Variants in LHFPL3 observed in about 807,000 individuals in gnomAD.
The protein encoded by LHFPL3 is LHFPL tetraspan subfamily member 3, also known as LHFPL tetraspan subfamily member 3 protein.
LHFPL3 carries 5 observed loss-of-function variants against 19.3 expected under a neutral mutation model. The ratio of observed to expected loss-of-function variants is 0.26; its 90% CI spans 0.14 to 0.54. The LOEUF (loss-of-function observed/expected upper bound fraction) is 0.54. LHFPL3 is among the 20% of genes least tolerant of loss of function. The pLI, the probability that LHFPL3 is intolerant of heterozygous loss-of-function variation, is 0.94. For synonymous variants in LHFPL3, 133 were observed against 126.2 expected, an observed-to-expected ratio of 1.05 and a Z score of -0.36; for missense variants, 249 against 307.4, an observed-to-expected ratio of 0.81 and a Z score of 1.42.
chr7:104,901,373 T>C (rs192400879), intron 2 of LHFPL3, among the ~76,000 whole-genome samples: 1 of 152,364 alleles, frequency 6.6e-6, no homozygotes, highest in African/African-American at 2.4e-5. Flanking sequence ...AACTTCTGCA[T>C]GCCCTGGGGT....
At chr7:104,489,284 G>A (rs1793295312) in intron 1 of LHFPL3, among the ~76,000 whole-genome samples, 1 of 129,624 alleles carries the variant, frequency 7.7e-6, no homozygotes, top group Non-Finnish European at 1.7e-5. Flanking sequence ...GGGTTTCACC[G>A]TTTTTAGCCG....
At chr7:104,476,512 T>G (rs1793020562) in intron 1 of LHFPL3, among the ~76,000 whole-genome samples, 1 of 151,918 alleles carries the variant, frequency 6.6e-6, no homozygotes, top group African/African-American at 2.4e-5. Context: ...CAGGCTGGAG[T>G]GCAAATGGCA....
At chr7:104,565,693 A>C (rs1003130558) in intron 1 of LHFPL3, among the ~76,000 whole-genome samples, 6 of 151,456 alleles carry the variant, frequency 4.0e-5, no homozygotes, top group Admixed American at 1.3e-4. Context: ...TCAATTTCTC[A>C]AGTTTCCCTG....
At chr7:104,581,192 A>G (rs1366988071) in intron 1 of LHFPL3, among the ~76,000 whole-genome samples, 1 of 151,978 alleles carries the variant, frequency 6.6e-6, no homozygotes, top group Non-Finnish European at 1.5e-5. Flanking sequence ...AAAATTTGGT[A>G]TTGTCTAGTC....
At chr7:104,608,622 T>C (rs1791152478) in intron 1 of LHFPL3, among the ~76,000 whole-genome samples, 1 of 151,880 alleles carries the variant, frequency 6.6e-6, no homozygotes, top group Non-Finnish European at 1.5e-5. Context: ...ATTGTGCACA[T>C]GTACCCTAAA....
intron 1 of LHFPL3, among the ~76,000 whole-genome samples, chr7:104,666,503 G>GATT (rs1165631599): frequency 8.6e-6 from 1 of 116,084 alleles, no homozygotes; most frequent in Non-Finnish European, 1.8e-5. Context: ...AAAATGACAG[G>GATT]ATTTCATTCT....
intron 1 of LHFPL3, among the ~76,000 whole-genome samples, chr7:104,709,427 G>A (rs1300553475): frequency 8.4e-6 from 1 of 119,598 alleles, no homozygotes; most frequent in Non-Finnish European, 1.9e-5. Flanking sequence ...AGGGAGTGGT[G>A]ATGACTCTTA....
At chr7:104,346,912 C>G (rs1203963128) in intron 1 of LHFPL3, among the ~76,000 whole-genome samples, 1 of 147,210 alleles carries the variant, frequency 6.8e-6, no homozygotes, top group Non-Finnish European at 1.5e-5. Flanking sequence ...AATGTGGCGG[C>G]CATTATACCA....
intron 1 of LHFPL3, among the ~76,000 whole-genome samples, chr7:104,498,553 G>A (rs961068042): frequency 2.5e-4 from 37 of 149,588 alleles, no homozygotes; most frequent in Admixed American, 2.5e-3. Flanking sequence ...TTTGAGTGCA[G>A]GGTCTCACTC....
intron 1 of LHFPL3, among the ~76,000 whole-genome samples, chr7:104,412,149 G>C (rs1047069579): frequency 1.3e-5 from 2 of 152,096 alleles, no homozygotes; most frequent in African/African-American, 4.8e-5. Flanking sequence ...CTATGATTTG[G>C]AAAGTATTTA....
At chr7:104,355,675 A>G (rs749741061) in intron 1 of LHFPL3, among the ~76,000 whole-genome samples, 3 of 152,228 alleles carry the variant, frequency 2.0e-5, no homozygotes, top group Non-Finnish European at 2.9e-5. Flanking sequence ...TCTTTTTAAC[A>G]AATAGTTGGT....
At chr7:104,571,734 A>G (rs1790234986) in intron 1 of LHFPL3, among the ~76,000 whole-genome samples, 1 of 152,204 alleles carries the variant, frequency 6.6e-6, no homozygotes, top group Non-Finnish European at 1.5e-5. Flanking sequence ...CTGCCCTTGC[A>G]GCCCTGTAGG....
chr7:104,431,782 A>G (rs935323529), intron 1 of LHFPL3, among the ~76,000 whole-genome samples: 7 of 152,182 alleles, frequency 4.6e-5, no homozygotes, highest in Non-Finnish European at 8.8e-5. Flanking sequence ...GAGAAATACT[A>G]TTTCATTCAG....
intron 1 of LHFPL3, among the ~76,000 whole-genome samples, chr7:104,576,018 A>G (rs1296103878): frequency 2.0e-5 from 3 of 152,130 alleles, no homozygotes; most frequent in Non-Finnish European, 4.4e-5. Flanking sequence ...AAGTCTTTAT[A>G]TCCTTAGAAC....
chr7:104,562,100 C>T (rs2115952357), intron 1 of LHFPL3, among the ~76,000 whole-genome samples: 1 of 151,960 alleles, frequency 6.6e-6, no homozygotes, highest in Admixed American at 6.6e-5. Flanking sequence ...ACCTTTCTCT[C>T]TGGCTGCCCT....
chr7:104,471,780 A>T (rs1367619642), intron 1 of LHFPL3, among the ~76,000 whole-genome samples: 1 of 152,214 alleles, frequency 6.6e-6, no homozygotes, highest in Non-Finnish European at 1.5e-5. Context: ...TTGGATTCAT[A>T]CTTTGAAATT....
At chr7:104,503,012 C>T (rs891867432) in intron 1 of LHFPL3, among the ~76,000 whole-genome samples, 4 of 152,062 alleles carry the variant, frequency 2.6e-5, no homozygotes, top group Non-Finnish European at 4.4e-5. Flanking sequence ...TCCAAACTCT[C>T]GACCCAGCAA....
intron 1 of LHFPL3, among the ~76,000 whole-genome samples, chr7:104,664,972 T>G (rs1279859653): frequency 1.3e-5 from 2 of 152,172 alleles, no homozygotes; most frequent in African/African-American, 4.8e-5. Flanking sequence ...GTAGGTATAT[T>G]ACACACGTAA....
intron 1 of LHFPL3, among the ~76,000 whole-genome samples, chr7:104,707,205 G>A (rs1476629863): frequency 6.6e-6 from 1 of 152,158 alleles, no homozygotes; most frequent in African/African-American, 2.4e-5. Flanking sequence ...ATTCACTCCA[G>A]AGCTCACCAA....
Sources: gnomAD v4.1 joint callset for allele counts (sites outside exome capture counted in the v4.1 genomes callset) on GRCh38, gnomAD v4.1.1 for gene constraint, MANE v1.5 for transcripts, NCBI Gene and HGNC (gene_info 2026-07-23, HGNC 2026-07-21) for gene names.